Variants in RNF2 observed in about 807,000 individuals in gnomAD.
The protein encoded by RNF2 is E3 ubiquitin-protein ligase RING2.
A neutral mutation model predicts 37.2 loss-of-function variants in RNF2; 6 were observed. The observed-to-expected ratio is 0.16, with a 90% confidence interval of 0.09 to 0.32. The LOEUF (loss-of-function observed/expected upper bound fraction) is 0.32, where lower values mean the gene tolerates loss of function less well. RNF2 is among the 10% of genes least tolerant of loss of function. The pLI is 1.00. For missense variants in RNF2, 251 were observed against 404.0 expected, an observed-to-expected ratio of 0.62 and a Z score of 3.25; for synonymous variants, 133 against 132.7, an observed-to-expected ratio of 1.00 and a Z score of -0.02.
intron 1 of RNF2, among the ~76,000 whole-genome samples, chr1:185,068,369 G>A (rs917553905): frequency 6.6e-6 from 1 of 152,196 alleles, no homozygotes; most frequent in African/African-American, 2.4e-5. Context: ...AAGGTTCTTT[G>A]CATGTGTAAT....
chr1:185,100,337 A>G lies in RNF2; in HGVS notation c.*36A>G, dbSNP rs1376600028. On this transcript the variant is annotated 3_prime_UTR_variant, in exon 7 of 7. Coordinates refer to ENST00000367510, the MANE Select transcript of RNF2 (RefSeq NM_007212.4). Reference sequence around the variant, plus strand: ...ACCAATTCTGAGACTGAACTTTTTTATAGCCTATTTCTTTAATATTAAAGA... The same window carrying G: ...ACCAATTCTGAGACTGAACTTTTTTGTAGCCTATTTCTTTAATATTAAAGA... 2.2e-6 allele frequency: 3 copies of G among 1,368,920 alleles called. No individual in the cohort carries two copies. Among genetic ancestry groups the G allele is most frequent in the African/African-American group, 2.9e-5 (2 of 68,812 alleles). The allele number at this position is 1,368,920 out of a possible 1,614,324, so 84.8% of individuals were successfully genotyped here.
At chr1:185,081,544 C>T (rs967661852) in intron 1 of RNF2, among the ~76,000 whole-genome samples, 2 of 148,824 alleles carry the variant, frequency 1.3e-5, no homozygotes, top group African/African-American at 2.5e-5. Flanking sequence ...CAGGTGTGTG[C>T]CACCATGCCT....
At chr1:185,088,431 C>T (rs1651665729) in intron 2 of RNF2, among the ~76,000 whole-genome samples, 1 of 152,026 alleles carries the variant, frequency 6.6e-6, no homozygotes, top group South Asian at 2.1e-4. Flanking sequence ...TGGCACGTGC[C>T]TGTAGTTGCA....
At chr1:185,095,946 A>G (rs940705755) in intron 4 of RNF2, among the ~76,000 whole-genome samples, 7 of 152,178 alleles carry the variant, frequency 4.6e-5, no homozygotes, top group African/African-American at 1.7e-4. Context: ...AGTATGTAGT[A>G]TTATAGACGT....
At chr1:185,085,861 A>G (rs569888210) in intron 1 of RNF2, among the ~76,000 whole-genome samples, 2 of 152,182 alleles carry the variant, frequency 1.3e-5, no homozygotes, top group South Asian at 2.1e-4. Flanking sequence ...CATGTTGGCC[A>G]GGCTGGTCTC....
intron 1 of RNF2, among the ~76,000 whole-genome samples, chr1:185,085,415 C>T (rs901553971): frequency 2.0e-5 from 3 of 151,876 alleles, no homozygotes; most frequent in African/African-American, 4.8e-5. Flanking sequence ...AGATTACAAG[C>T]GTGAGCCACC....
intron 1 of RNF2, among the ~76,000 whole-genome samples, chr1:185,058,812 A>G (rs970917050): frequency 5.9e-5 from 9 of 152,224 alleles, no homozygotes; most frequent in African/African-American, 2.2e-4. Flanking sequence ...CAATATTTCC[A>G]GAGCAATAGA....
chr1:185,053,844 T>G (rs1650346191), intron 1 of RNF2, among the ~76,000 whole-genome samples: 1 of 152,124 alleles, frequency 6.6e-6, no homozygotes, highest in Admixed American at 6.5e-5. Flanking sequence ...TAAATAAGAT[T>G]ATATAATGTG....
intron 3 of RNF2, 79 bp downstream of exon 3, chr1:185,091,818 C>CTT (rs201420664): frequency 1.6e-3 from 1,672 of 1,048,204 alleles, no homozygotes; most frequent in Non-Finnish European, 1.8e-3. Context: ...AATACATTTT[C>CTT]TTTTTTTTTT....
At chr1:185,076,270 T>TG (rs1651155370) in intron 1 of RNF2, among the ~76,000 whole-genome samples, 4 of 25,216 alleles carry the variant, frequency 1.6e-4, no homozygotes, top group African/African-American at 4.3e-4. Context: ...TATGGGTTGT[T>TG]TTTTTTTTTT....
intron 1 of RNF2, among the ~76,000 whole-genome samples, chr1:185,049,912 G>A (rs943803752): frequency 6.6e-6 from 1 of 152,220 alleles, no homozygotes; most frequent in Non-Finnish European, 1.5e-5. Context: ...GAACTGGAAA[G>A]ATGTCCCGTC....
Position 185,075,731 on chromosome 1 carries a change from G to A in RNF2, c.-2-11821G>A, listed in dbSNP as rs569125706. On this transcript the variant is annotated intron_variant, in intron 1 of 6. Transcript: ENST00000367510. ...AGCTCTTGTGAGAACTCATTAACACGAGAACAGCAAGGGGGAAATCCACTC... is the reference window on the plus strand; with the variant it reads ...AGCTCTTGTGAGAACTCATTAACACAAGAACAGCAAGGGGGAAATCCACTC... Among the ~76,000 whole-genome samples the A allele has an allele frequency of 2.6e-5, 4 of 152,062 alleles. No individual in the cohort carries two copies. In the East Asian group the frequency reaches 5.8e-4, roughly 22 times the overall value.
At chr1:185,077,086 A>G (rs1490186504) in intron 1 of RNF2, among the ~76,000 whole-genome samples, 2 of 152,074 alleles carry the variant, frequency 1.3e-5, no homozygotes. Context: ...GGATCTTTTA[A>G]AAAATTTATT....
chr1:185,062,416 A>G (rs1650634128), intron 1 of RNF2, among the ~76,000 whole-genome samples: 1 of 152,046 alleles, frequency 6.6e-6, no homozygotes, highest in African/African-American at 2.4e-5. Context: ...CTCTTTTCCC[A>G]TCTTTGTCAT....
intron 1 of RNF2, among the ~76,000 whole-genome samples, chr1:185,055,432 T>C (rs1650404156): frequency 6.6e-6 from 1 of 152,184 alleles, no homozygotes; most frequent in Non-Finnish European, 1.5e-5. Flanking sequence ...GTTGTTGTTT[T>C]TAAATTTAAA....
At chr1:185,053,328 TTTTTTC>T (rs1309681722) in intron 1 of RNF2, among the ~76,000 whole-genome samples, 1 of 150,550 alleles carries the variant, frequency 6.6e-6, no homozygotes, top group Non-Finnish European at 1.5e-5. Context: ...TCATTTTCCT[TTTTTTC>T]TTTTTCTTTT....
chr1:185,091,745 T>A lies in RNF2; in HGVS notation c.248+6T>A, dbSNP rs750656273. ...ATCACAGCCCTTAGAAGTGGGTATG[T>A]TGAAAAGAGTTGTTATACTAGGTAC... On this transcript the variant is annotated splice_donor_region_variant and intron_variant, in intron 3 of 6. Transcript: ENST00000367510. 1 of 1,612,830 alleles carries A rather than the reference T, an allele frequency of 6.2e-7. No homozygotes were observed. Among genetic ancestry groups the A allele is most frequent in the South Asian group, 1.1e-5 (1 of 90,908 alleles).
chr1:185,095,376 T>TA (rs1473972704), intron 4 of RNF2, among the ~76,000 whole-genome samples: 7 of 152,346 alleles, frequency 4.6e-5, no homozygotes, highest in South Asian at 2.1e-4. Flanking sequence ...CCTTTGTACT[T>TA]ACACTACTCT....
intron 4 of RNF2, among the ~76,000 whole-genome samples, chr1:185,093,987 A>G (rs1331493651): frequency 6.6e-6 from 1 of 152,058 alleles, no homozygotes; most frequent in African/African-American, 2.4e-5. Context: ...AATTTTAGAC[A>G]TTTCTCCATA....
Sources: allele counts gnomAD v4.1 joint callset (sites outside exome capture counted in the v4.1 genomes callset), GRCh38; gene constraint gnomAD v4.1.1; transcripts MANE v1.5; gene names NCBI Gene and HGNC (gene_info 2026-07-23, HGNC 2026-07-21).